Variants in DYSF observed in about 807,000 individuals in gnomAD.
DYSF encodes the protein dysferlin.
DYSF carries 212 observed loss-of-function variants against 274.9 expected under a neutral mutation model. The ratio of observed to expected loss-of-function variants is 0.77; its 90% CI spans 0.69 to 0.86. The LOEUF is 0.86. Ranked by LOEUF, DYSF falls within the 40% of genes least tolerant of loss-of-function variation. The pLI is 0.00. For synonymous variants in DYSF, 1,091 were observed against 1,078.7 expected (o/e 1.01, Z -0.22); for missense variants, 2,666 against 2,783.2 (o/e 0.96, Z 0.95).
At chr2:71,607,766 T>C (rs1382000063) in intron 36 of DYSF, among the ~76,000 whole-genome samples, 1 of 152,048 alleles carries the variant, frequency 6.6e-6, no homozygotes, top group Admixed American at 6.5e-5. Flanking sequence ...GGCTTGGTTG[T>C]CTAGATGGTG....
chr2:71,665,133 C>G, intron 46 of DYSF, 29 bp from the exon 47 acceptor site: 1 of 1,612,820 alleles, frequency 6.2e-7, no homozygotes, highest in South Asian at 1.1e-5. Flanking sequence ...CTTGAAGCAT[C>G]TCATCTATGT....
In DYSF at chr2:71,489,935, G is replaced by A. The variant is rs1369180833; in HGVS notation, c.239+7965G>A. On this transcript the variant is annotated intron_variant, in intron 3 of 55. Coordinates refer to ENST00000410020, the MANE Select transcript of DYSF (RefSeq NM_001130987.2). Reference sequence around the variant, plus strand: ...GCAAAAGCAGTCCCTATGTTGCCAGGTTGCTGTGAAATTTAAATAATATAA... The same window carrying A: ...GCAAAAGCAGTCCCTATGTTGCCAGATTGCTGTGAAATTTAAATAATATAA... Among the ~76,000 whole-genome samples the A allele has an allele frequency of 5.3e-5, 8 of 152,162 alleles. No homozygotes were observed. In the South Asian group the frequency reaches 1.4e-3, roughly 28 times the overall value.
intron 4 of DYSF, among the ~76,000 whole-genome samples, chr2:71,505,952 A>T (rs918743430): frequency 6.6e-6 from 1 of 152,202 alleles, no homozygotes; most frequent in African/African-American, 2.4e-5. Context: ...GTGCTCAGTG[A>T]GTCCCTGAGC....
intron 40 of DYSF, among the ~76,000 whole-genome samples, chr2:71,614,760 G>A (rs1284416953): frequency 2.6e-5 from 4 of 152,300 alleles, no homozygotes; most frequent in Admixed American, 2.6e-4. Flanking sequence ...CTTGGCAAGT[G>A]GGTAGATGGG....
chr2:71,525,390 A>C (rs2087753756), intron 12 of DYSF, among the ~76,000 whole-genome samples: 1 of 151,968 alleles, frequency 6.6e-6, no homozygotes, highest in African/African-American at 2.4e-5. Context: ...TGCCTGGCTA[A>C]TTTTTGTATT....
chr2:71,532,862 A>C (rs2088904690), intron 14 of DYSF, among the ~76,000 whole-genome samples: 1 of 151,734 alleles, frequency 6.6e-6, no homozygotes, highest in South Asian at 2.1e-4. Context: ...CTATCTATCT[A>C]TCTATCTATC....
chr2:71,504,586 C>A (rs2085304505), intron 4 of DYSF, among the ~76,000 whole-genome samples: 1 of 152,192 alleles, frequency 6.6e-6, no homozygotes, highest in South Asian at 2.1e-4. Context: ...CAGACCCAAC[C>A]CTCAAGGCAT....
upstream of DYSF, among the ~76,000 whole-genome samples, chr2:71,464,026 G>C (rs1414379083): frequency 6.6e-6 from 1 of 152,128 alleles, no homozygotes; most frequent in Non-Finnish European, 1.5e-5. Flanking sequence ...ATGAGAACAG[G>C]CTCAGACTCT....
At chr2:71,654,166 A>G (rs1219494995) in intron 42 of DYSF, among the ~76,000 whole-genome samples, 1 of 152,220 alleles carries the variant, frequency 6.6e-6, no homozygotes, top group Admixed American at 6.5e-5. Flanking sequence ...TATTATTATT[A>G]TCTCTATTAA....
At chr2:71,581,769 C>G (rs939386582) in intron 30 of DYSF, among the ~76,000 whole-genome samples, 4 of 152,164 alleles carry the variant, frequency 2.6e-5, no homozygotes, top group Non-Finnish European at 5.9e-5. Context: ...AAAAACACAA[C>G]AAAAATAATA....
At chr2:71,651,300 T>C (rs1296753048) in intron 42 of DYSF, among the ~76,000 whole-genome samples, 4 of 152,176 alleles carry the variant, frequency 2.6e-5, no homozygotes, top group Admixed American at 6.5e-5. Context: ...CTTCAGCTAG[T>C]CTACTTTAGA....
intron 30 of DYSF, among the ~76,000 whole-genome samples, chr2:71,580,451 T>A (rs1226190475): frequency 6.6e-6 from 1 of 151,558 alleles, no homozygotes; most frequent in African/African-American, 2.4e-5. Flanking sequence ...GAAAAGGAGG[T>A]CAGATGTGGA....
chr2:71,602,588 G>A (rs1341133891), intron 35 of DYSF, 188 bp from the exon 36 acceptor site: 5 of 598,624 alleles, frequency 8.4e-6, no homozygotes, highest in South Asian at 7.3e-5. Flanking sequence ...CTTTAGGGGC[G>A]TGGCTGGGAA....
At chr2:71,520,662 T>C (rs1024210583) in intron 11 of DYSF, 127 bp from the exon 12 acceptor site, 6 of 798,484 alleles carry the variant, frequency 7.5e-6, no homozygotes, top group Non-Finnish European at 1.3e-5. Context: ...AGAATCTGAG[T>C]CCTGAGCTCA....
chr2:71,572,463 A>G (rs1171309130), intron 29 of DYSF, among the ~76,000 whole-genome samples: 1 of 152,254 alleles, frequency 6.6e-6, no homozygotes, highest in Non-Finnish European at 1.5e-5. Context: ...AGATGGAAAG[A>G]CACCCATGGA....
chr2:71,494,160 T>G (rs949616903), intron 3 of DYSF, among the ~76,000 whole-genome samples: 2 of 152,152 alleles, frequency 1.3e-5, no homozygotes, highest in African/African-American at 4.8e-5. Context: ...TAGCTCTTTT[T>G]GTTAGGGTTT....
chr2:71,613,263 C>G (rs1231844751), intron 39 of DYSF, 71 bp from the exon 40 acceptor site: 3 of 1,422,994 alleles, frequency 2.1e-6, no homozygotes, highest in Non-Finnish European at 2.9e-6. Context: ...CTTGGTTGAG[C>G]CCTGGGGCTG....
intron 3 of DYSF, among the ~76,000 whole-genome samples, chr2:71,495,173 G>T (rs1161844639): frequency 6.6e-6 from 1 of 152,172 alleles, no homozygotes; most frequent in Non-Finnish European, 1.5e-5. Flanking sequence ...ATGCAGGGTG[G>T]GTTGTCCATT....
At chr2:71,543,471 G>A (rs1046266335) in intron 17 of DYSF, among the ~76,000 whole-genome samples, 2 of 152,232 alleles carry the variant, frequency 1.3e-5, no homozygotes, top group African/African-American at 4.8e-5. Flanking sequence ...CGGCCGGGCA[G>A]AGGCTGCGAT....
Sources: allele counts gnomAD v4.1 joint callset (sites outside exome capture counted in the v4.1 genomes callset), GRCh38; gene constraint gnomAD v4.1.1; transcripts MANE v1.5; gene names NCBI Gene and HGNC (gene_info 2026-07-23, HGNC 2026-07-21).